Variants in ERO1B observed in about 807,000 individuals in gnomAD.
ERO1B encodes the protein ERO1-like protein beta.
ERO1B carries 49 observed loss-of-function variants against 75.3 expected under a neutral mutation model. The observed-to-expected ratio is 0.65, with a 90% CI of 0.52 to 0.83. The LOEUF is 0.83. Ranked by LOEUF, ERO1B falls within the 40% of genes least tolerant of loss-of-function variation. The probability of loss-of-function intolerance (pLI) is 0.00; values close to 1 mark genes in which losing one functional copy is unlikely to be tolerated. For synonymous variants in ERO1B, 191 were observed against 192.9 expected (o/e 0.99, Z 0.08); for missense variants, 512 against 560.1 (o/e 0.91, Z 0.87).
intron 1 of ERO1B, among the ~76,000 whole-genome samples, chr1:236,275,467 G>C (rs556822852): frequency 2.6e-5 from 4 of 152,276 alleles, no homozygotes; most frequent in Admixed American, 6.5e-5. Flanking sequence ...TAAGGCAGAG[G>C]GATGTGCAGA....
At chr1:236,248,067 T>G (rs905420492) in intron 5 of ERO1B, among the ~76,000 whole-genome samples, 3 of 152,204 alleles carry the variant, frequency 2.0e-5, no homozygotes, top group Non-Finnish European at 4.4e-5. Flanking sequence ...TTGTGTTATT[T>G]CCTCTGACAA....
chr1:236,264,305 T>C (rs1486946119), intron 2 of ERO1B, among the ~76,000 whole-genome samples: 2 of 152,064 alleles, frequency 1.3e-5, no homozygotes, highest in Non-Finnish European at 2.9e-5. Context: ...GACAGGGTTC[T>C]GCCATGTTGA....
intron 2 of ERO1B, among the ~76,000 whole-genome samples, chr1:236,264,228 C>T (rs1726671): frequency 0.24 from 36,874 of 151,892 alleles, 4,709 homozygotes; most frequent in East Asian, 0.39. Context: ...TGCCTGCCCC[C>T]CAACCAGTAG....
At chr1:236,245,933 T>C (rs554306680) in intron 5 of ERO1B, among the ~76,000 whole-genome samples, 4 of 151,800 alleles carry the variant, frequency 2.6e-5, no homozygotes, top group African/African-American at 9.7e-5. Context: ...GGTGGACACA[T>C]GTCAAAACAT....
At chr1:236,226,770 C>T (rs776532056) in intron 10 of ERO1B, 31 bp from the exon 11 acceptor site, 5 of 1,527,846 alleles carry the variant, frequency 3.3e-6, no homozygotes, top group Non-Finnish European at 4.5e-6. Context: ...AAAGAAATTA[C>T]ACCTATTTAG....
At chr1:236,250,601 A>ATATATAT (rs1553372702) in intron 4 of ERO1B, among the ~76,000 whole-genome samples, 15 of 63,932 alleles carry the variant, frequency 2.3e-4, no homozygotes, top group African/African-American at 7.9e-4. Context: ...ATATATATAT[A>ATATATAT]TATATATATA....
intron 15 of ERO1B, 26 bp from the exon 16 acceptor site, chr1:236,218,602 AG>A: frequency 7.5e-7 from 1 of 1,327,364 alleles, no homozygotes; most frequent in South Asian, 2.0e-5. Context: ...AAAGCTTATT[AG>A]TAAGGCTAAC....
At chr1:236,237,359 C>A (rs1005163087) in intron 6 of ERO1B, among the ~76,000 whole-genome samples, 29 of 152,134 alleles carry the variant, frequency 1.9e-4, no homozygotes, top group African/African-American at 6.8e-4. Flanking sequence ...TCGTGATCCA[C>A]CTGCCTCGGC....
intron 14 of ERO1B, 137 bp downstream of exon 14, chr1:236,221,787 A>G (rs1664150754): frequency 3.1e-6 from 2 of 648,450 alleles, no homozygotes; most frequent in Non-Finnish European, 5.4e-6. Context: ...TTTTTCATCA[A>G]CAGAAAAAAC....
At chr1:236,265,296 T>C (rs934994107) in intron 2 of ERO1B, among the ~76,000 whole-genome samples, 5 of 152,198 alleles carry the variant, frequency 3.3e-5, no homozygotes, top group Middle Eastern at 3.2e-3. Flanking sequence ...GGAGCACATA[T>C]TGAATTTTGA....
At chr1:236,253,364 T>TG in intron 3 of ERO1B, 58 bp downstream of exon 3, 1 of 1,014,016 alleles carries the variant, frequency 9.9e-7, no homozygotes, top group Non-Finnish European at 1.5e-6. Context: ...ATAGAGGTTA[T>TG]GCTTTTCTAA....
chr1:236,235,052 T>C (rs1664508577), intron 8 of ERO1B, among the ~76,000 whole-genome samples: 2 of 152,206 alleles, frequency 1.3e-5, no homozygotes. Flanking sequence ...CAATATAGTT[T>C]TTACATCTAA....
Position 236,218,387 on chromosome 1 carries a change from G to A in ERO1B, c.*129C>T. 5.4e-6 allele frequency: 4 copies of A among 740,854 alleles called. No individual in the cohort carries two copies. Among genetic ancestry groups the A allele is most frequent in the Non-Finnish European group, 7.3e-6 (4 of 544,308 alleles). 45.9% of individuals were successfully genotyped at this position (740,854 alleles called of 1,614,324 possible). On this transcript the variant is annotated 3_prime_UTR_variant, in exon 16 of 16. Coordinates refer to ENST00000354619, the MANE Select transcript of ERO1B (RefSeq NM_019891.4). The stretch of plus-strand genomic sequence containing the variant: ...TTAAGAATCATAAATATTCAAGTGA[G>A]CATTTAAATTTTCTATTTAATAGTT...
In ERO1B at chr1:236,243,326, C is replaced by T. The variant is rs1023112400; in HGVS notation, c.505+96G>A. The T allele has an allele frequency of 2.0e-4, 178 of 869,644 alleles. 1 individual carries two copies. Among genetic ancestry groups the T allele is most frequent in the Middle Eastern group, 3.6e-4 (1 of 2,810 alleles). The allele number at this position is 869,644 out of a possible 1,614,324, so 53.9% of individuals were successfully genotyped here. On this transcript the variant is annotated intron_variant, in intron 6 of 15. Coordinates refer to ENST00000354619, the MANE Select transcript of ERO1B (RefSeq NM_019891.4). ...AAGGTCTACATAGCAAAATCCAGTA[C>T]TGAAGCTATAATTCAGTTTATATTT...
intron 15 of ERO1B, chr1:236,220,493 T>C (rs1664109845): frequency 6.2e-6 from 1 of 161,896 alleles, no homozygotes; most frequent in East Asian, 1.7e-4. Context: ...AGATGAAGGT[T>C]TTAATTTTCT....
intron 1 of ERO1B, among the ~76,000 whole-genome samples, chr1:236,281,055 C>A (rs561321663): frequency 1.3e-5 from 2 of 152,160 alleles, no homozygotes; most frequent in African/African-American, 2.4e-5. Flanking sequence ...CCACTCAGAC[C>A]CCCCCAGTCT....
intron 6 of ERO1B, among the ~76,000 whole-genome samples, chr1:236,239,809 GTGTATATATATA>G (rs1304639497): frequency 2.1e-5 from 1 of 47,266 alleles, no homozygotes; most frequent in African/African-American, 4.5e-5. Flanking sequence ...ATATATATGT[GTGTATATATATA>G]TGTGTATATA....
At chr1:236,262,472 A>G (rs1163651371) in intron 2 of ERO1B, among the ~76,000 whole-genome samples, 4 of 152,060 alleles carry the variant, frequency 2.6e-5, no homozygotes, top group African/African-American at 9.7e-5. Flanking sequence ...ATGCAACCTC[A>G]GTTCACCACA....
At chr1:236,231,852 G>A (rs547869531) in intron 9 of ERO1B, among the ~76,000 whole-genome samples, 2 of 152,186 alleles carry the variant, frequency 1.3e-5, no homozygotes, top group South Asian at 4.2e-4. Context: ...AACACCTCAA[G>A]TGCCAACAGG....
Sources: gnomAD v4.1 joint callset for allele counts (sites outside exome capture counted in the v4.1 genomes callset) on GRCh38, gnomAD v4.1.1 for gene constraint, MANE v1.5 for transcripts, NCBI Gene and HGNC (gene_info 2026-07-23, HGNC 2026-07-21) for gene names.